The following MGA variants were observed in gnomAD, a reference collection of about 807,000 sequenced individuals.
MGA encodes the protein MAX gene-associated protein.
In MGA, 40 loss-of-function variants were observed where a neutral mutation model predicts 261.1. That is an observed-to-expected ratio of 0.15 (90% CI 0.12 to 0.20). The LOEUF is 0.20. MGA is among the 10% of genes least tolerant of loss of function. The probability of loss-of-function intolerance (pLI) is 1.00; values close to 1 mark genes in which losing one functional copy is unlikely to be tolerated. For synonymous variants in MGA, 1,302 were observed against 1,290.6 expected, an observed-to-expected ratio of 1.01 and a Z score of -0.19; for missense variants, 3,397 against 3,630.5, an observed-to-expected ratio of 0.94 and a Z score of 1.65.
At chr15:41,625,181 C>T (rs944606011) in intron 1 of MGA, among the ~76,000 whole-genome samples, 2 of 151,998 alleles carry the variant, frequency 1.3e-5, no homozygotes, top group African/African-American at 2.4e-5. Context: ...GCATGACTGT[C>T]GAGGCAAATC....
upstream of MGA, among the ~76,000 whole-genome samples, chr15:41,659,345 TTC>T (rs143611969): frequency 0.033 from 4,979 of 152,286 alleles, 136 homozygotes; most frequent in South Asian, 0.07. Flanking sequence ...AGTCTTCTCA[TTC>T]TCCTTCATAG....
intron 5 of MGA, among the ~76,000 whole-genome samples, chr15:41,702,248 G>T (rs577562475): frequency 2.9e-4 from 44 of 151,742 alleles, no homozygotes; most frequent in South Asian, 8.3e-4. Flanking sequence ...TTGAAAACCC[G>T]GGAGGCGGAG....
At chr15:41,751,239 C>T (rs1357285393) in intron 17 of MGA, 3 of 151,486 alleles carry the variant, frequency 2.0e-5, no homozygotes, top group Non-Finnish European at 4.4e-5. Context: ...TTATAGGATT[C>T]CTATTTAGGG....
intron 5 of MGA, among the ~76,000 whole-genome samples, chr15:41,704,294 G>C (rs988608561): frequency 6.6e-6 from 1 of 151,608 alleles, no homozygotes; most frequent in Non-Finnish European, 1.5e-5. Flanking sequence ...ATCCTCCCAA[G>C]TAGCTGGAAT....
intron 12 of MGA, among the ~76,000 whole-genome samples, chr15:41,735,630 G>A (rs575757568): frequency 5.7e-4 from 86 of 152,082 alleles, no homozygotes; most frequent in African/African-American, 2.0e-3. Context: ...TCAGCTACTC[G>A]GGAGGCTGAG....
At chr15:41,756,599 A>T (rs2063160925) in intron 18 of MGA, among the ~76,000 whole-genome samples, 1 of 152,198 alleles carries the variant, frequency 6.6e-6, no homozygotes, top group Non-Finnish European at 1.5e-5. Context: ...GTTTGCTATT[A>T]TGAAGATTTA....
chr15:41,645,837 G>C (rs1383028085), intron 1 of MGA, among the ~76,000 whole-genome samples: 1 of 152,176 alleles, frequency 6.6e-6, no homozygotes, highest in African/African-American at 2.4e-5. Flanking sequence ...GGAAGTGTAT[G>C]TACTTTGACA....
At chr15:41,729,568 T>C (rs1232468564) in intron 11 of MGA, among the ~76,000 whole-genome samples, 1 of 152,082 alleles carries the variant, frequency 6.6e-6, no homozygotes, top group African/African-American at 2.4e-5. Flanking sequence ...ATGTCTCTAA[T>C]CCCAGCACTT....
At chr15:41,667,976 T>A (rs115460988) in intron 1 of MGA, among the ~76,000 whole-genome samples, 5,646 of 151,798 alleles carry the variant, frequency 0.037, 184 homozygotes, top group African/African-American at 0.084. Context: ...GCTAATTTTT[T>A]AATTTTTAAT....
chr15:41,723,982 AGTACT>A (rs2061092972), intron 9 of MGA, among the ~76,000 whole-genome samples: 1 of 150,788 alleles, frequency 6.6e-6, no homozygotes, highest in East Asian at 1.9e-4. Context: ...TTTTTTTTGA[AGTACT>A]GTACTGTGTA....
At chr15:41,686,910 A>T (rs533700250) in intron 2 of MGA, among the ~76,000 whole-genome samples, 5 of 152,260 alleles carry the variant, frequency 3.3e-5, no homozygotes, top group African/African-American at 1.2e-4. Flanking sequence ...CACCAAATTC[A>T]TGTGGGATAT....
intron 15 of MGA, among the ~76,000 whole-genome samples, chr15:41,744,478 G>T (rs542773335): frequency 6.6e-6 from 1 of 152,166 alleles, no homozygotes; most frequent in Non-Finnish European, 1.5e-5. Flanking sequence ...TTACAGGCGT[G>T]AGCCACCACG....
chr15:41,752,819 A>G (rs1431221061), intron 17 of MGA, among the ~76,000 whole-genome samples: 5 of 152,176 alleles, frequency 3.3e-5, no homozygotes, highest in South Asian at 2.1e-4. Flanking sequence ...TGGCCTCCCA[A>G]AAGTGCTGGG....
Position 41,742,888 on chromosome 15 carries a change from C to T in MGA, c.4928C>T (p.Thr1643Ile). ...ACAGGGGTTGTTGAGGTCTCTGAAA[C>T]TAATACCAGCACCTCTGTAACATCT... Residue 1643 changes from threonine to isoleucine, a missense_variant, in exon 15 of 24, where the codon ACT becomes ATT. By Grantham distance (89) the Thr-to-Ile change is moderately conservative. This residue lies in a region of MGA where 1,410 missense variants were observed against 1,386.4 expected (regional missense o/e 1.02). Transcript: ENST00000219905. 6.2e-7 allele frequency: 1 copy of T among 1,614,038 alleles called. No individual in the cohort carries two copies. Among genetic ancestry groups the T allele is most frequent in the Non-Finnish European group, 8.5e-7 (1 of 1,179,892 alleles).
rs758240944 is a variant in MGA, at chr15:41,711,027, A to G, written c.2762A>G (p.Tyr921Cys). ...TCATCTTATAAATCCATTTTACCAT[A>G]CCCTGTTTCACCAAAGCAGAAATAC... Residue 921 changes from tyrosine (Y) to cysteine (C), a missense_variant, in exon 8 of 24, where the codon TAC becomes TGC. Physicochemically the swap from Tyr to Cys is radical, Grantham distance 194. Coordinates refer to ENST00000219905, the MANE Select transcript of MGA (RefSeq NM_001164273.2). The G allele has an allele frequency of 6.8e-6, 11 of 1,613,848 alleles. No individual in the cohort carries two copies. Among genetic ancestry groups the G allele is most frequent in the African/African-American group, 1.3e-5 (1 of 74,918 alleles).
At chr15:41,713,096 G>A in intron 8 of MGA, 55 bp from the exon 9 acceptor site, 1 of 1,575,916 alleles carries the variant, frequency 6.3e-7, no homozygotes, top group Admixed American at 1.7e-5. Flanking sequence ...CCATAAGTTG[G>A]TGGTGGTGTA....
intron 2 of MGA, among the ~76,000 whole-genome samples, chr15:41,685,573 G>T (rs1183045334): frequency 6.6e-6 from 1 of 152,098 alleles, no homozygotes; most frequent in African/African-American, 2.4e-5. Context: ...GTTAAACAAG[G>T]TATATATCTC....
chr15:41,628,357 ACT>A (rs747288248), intron 1 of MGA, among the ~76,000 whole-genome samples: 6 of 139,362 alleles, frequency 4.3e-5, no homozygotes, highest in Non-Finnish European at 6.1e-5. Context: ...ACAGAGCAAG[ACT>A]CTGTATCCAA....
rs573203338 is a variant in MGA, at chr15:41,678,011, TAGAA to T, written c.1064+8057_1064+8060del. The stretch of plus-strand genomic sequence containing the variant: ...AAGAAACCATTGCCAAATCTAACAT[TAGAA>T]AGAGTTTCCCTTATGTTTCTTACTA... On this transcript the variant is annotated intron_variant, in intron 2 of 23. Transcript: ENST00000219905. Among the ~76,000 whole-genome samples, 95 of 152,256 alleles carry T rather than the reference TAGAA, an allele frequency of 6.2e-4. No individual in the cohort carries two copies. The East Asian group carries it at 0.012, about 19-fold the overall frequency.
Sources: gnomAD v4.1 joint callset for allele counts (sites outside exome capture counted in the v4.1 genomes callset) on GRCh38, gnomAD v4.1.1 for gene constraint, gnomAD v4.1.1 regional missense constraint, MANE v1.5 for transcripts, NCBI Gene and HGNC (gene_info 2026-07-23, HGNC 2026-07-21) for gene names.